The following FRZB variants were observed in gnomAD, a reference collection of about 807,000 sequenced individuals.
FRZB encodes the protein frizzled related protein.
In FRZB, 34 loss-of-function variants were observed where a neutral mutation model predicts 32.5. That is an observed-to-expected ratio of 1.05 (90% CI 0.80 to 1.39). The LOEUF (loss-of-function observed/expected upper bound fraction) is 1.39, where lower values mean the gene tolerates loss of function less well. FRZB is among the 40% of genes most tolerant of loss of function. FRZB has a pLI of 0.00. For missense variants in FRZB, 423 were observed against 424.8 expected, an observed-to-expected ratio of 1.00 and a Z score of 0.04; for synonymous variants, 170 against 159.2, an observed-to-expected ratio of 1.07 and a Z score of -0.51.
rs1695508031 is a variant in FRZB, at chr2:182,834,970, G to A, written c.862-5C>T. Reference sequence around the variant, plus strand: ...ACGAAGCTTCATATCCCAGCGCTGTGAAATTTAAAATAGAAAATAGTCACA... The same window carrying A: ...ACGAAGCTTCATATCCCAGCGCTGTAAAATTTAAAATAGAAAATAGTCACA... On this transcript the variant is annotated splice_polypyrimidine_tract_variant and splice_region_variant and intron_variant, in intron 5 of 5. Coordinates refer to ENST00000295113, the MANE Select transcript of FRZB (RefSeq NM_001463.4). 1.3e-6 allele frequency: 2 copies of A among 1,593,452 alleles called. No individual in the cohort carries two copies. The highest frequency in any genetic ancestry group is 1.1e-5 in the South Asian group (1 of 90,578).
chr2:182,850,906 A>G (rs535217987), intron 2 of FRZB, among the ~76,000 whole-genome samples: 1 of 152,202 alleles, frequency 6.6e-6, no homozygotes, highest in Non-Finnish European at 1.5e-5. Flanking sequence ...TCTTTTTGAT[A>G]AAAGCCATTC....
chr2:182,852,745 A>G (rs186166459), intron 2 of FRZB, among the ~76,000 whole-genome samples: 29 of 152,336 alleles, frequency 1.9e-4, no homozygotes, highest in Non-Finnish European at 3.4e-4. Flanking sequence ...TAGAACAAAA[A>G]TTGTTTTCCT....
chr2:182,841,646 T>G (rs1441341057), intron 3 of FRZB, among the ~76,000 whole-genome samples: 1 of 152,190 alleles, frequency 6.6e-6, no homozygotes, highest in Non-Finnish European at 1.5e-5. Context: ...GGGAAAGCTC[T>G]GTTAATTGCC....
intron 1 of FRZB, among the ~76,000 whole-genome samples, chr2:182,859,117 A>T (rs1364682144): frequency 6.6e-6 from 1 of 152,104 alleles, no homozygotes; most frequent in Non-Finnish European, 1.5e-5. Flanking sequence ...AAATTTGTAA[A>T]TGATAAGCAT....
chr2:182,866,144 C>G lies in FRZB; in HGVS notation c.409G>C (p.Glu137Gln). 1 of 1,614,110 alleles carries G rather than the reference C, an allele frequency of 6.2e-7. No homozygotes were observed. Among genetic ancestry groups the G allele is most frequent in the South Asian group, 1.1e-5 (1 of 91,060 alleles). Reference protein sequence around the residue: ...RHSWPENLACEELPVYDRGVC... With the variant: ...RHSWPENLACQELPVYDRGVC... ...CCCCTGTCGTACACTGGCAGCTCCTCGCAGGCCAGGTTCTCCGGCCACGAG... is the reference window on the plus strand; with the variant it reads ...CCCCTGTCGTACACTGGCAGCTCCTGGCAGGCCAGGTTCTCCGGCCACGAG... The change falls in exon 1 of 6, where the codon GAG becomes CAG. Residue 137 changes from glutamate to glutamine, a missense_variant. Glu to Gln is a conservative substitution (Grantham distance 29). Coordinates refer to ENST00000295113, the MANE Select transcript of FRZB (RefSeq NM_001463.4). The surrounding 1 kb of genome is among the most constrained non-coding windows in gnomAD (Gnocchi z 4.5).
chr2:182,838,736 C>A, intron 3 of FRZB, 123 bp from the exon 4 acceptor site: 1 of 752,076 alleles, frequency 1.3e-6, no homozygotes, highest in Non-Finnish European at 2.1e-6. Flanking sequence ...ACGAATGGAA[C>A]AGAAAAGTCA....
rs1424989511 is a variant in FRZB, at chr2:182,833,382, A to G, written c.*1467T>C. 1 of 152,186 alleles carries G rather than the reference A, an allele frequency of 6.6e-6. No homozygotes were observed. The highest frequency in any genetic ancestry group is 1.5e-5 in the Non-Finnish European group (1 of 68,038). The allele number at this position is 152,186 out of a possible 1,614,324, so 9.4% of individuals were successfully genotyped here. A position where few individuals can be genotyped will look rare whatever the true frequency, so the allele number is the denominator to read the frequency against. Reference sequence around the variant, plus strand: ...AGAATGAAACTTTCAAGTAATTGGCACAGGCTCTAAGGAACTCTGCCAGAG... The same window carrying G: ...AGAATGAAACTTTCAAGTAATTGGCGCAGGCTCTAAGGAACTCTGCCAGAG... On this transcript the variant is annotated 3_prime_UTR_variant, in exon 6 of 6. Transcript: ENST00000295113.
At chr2:182,847,465 A>G (rs1053405352) in intron 2 of FRZB, among the ~76,000 whole-genome samples, 7 of 152,228 alleles carry the variant, frequency 4.6e-5, no homozygotes, top group African/African-American at 1.7e-4. Context: ...CCTCAGAGCT[A>G]AAATGAGTTC....
chr2:182,864,075 C>G (rs907950810), intron 1 of FRZB, among the ~76,000 whole-genome samples: 1 of 152,216 alleles, frequency 6.6e-6, no homozygotes, highest in East Asian at 1.9e-4. Context: ...GCTTAGAAAT[C>G]AGGTCCCATG....
At chr2:182,850,592 G>A (rs1695699345) in intron 2 of FRZB, among the ~76,000 whole-genome samples, 1 of 152,088 alleles carries the variant, frequency 6.6e-6, no homozygotes, top group Non-Finnish European at 1.5e-5. Flanking sequence ...ATGTCATTGT[G>A]CATATATACT....
intron 2 of FRZB, among the ~76,000 whole-genome samples, chr2:182,852,014 A>G (rs1443678354): frequency 6.6e-6 from 1 of 152,062 alleles, no homozygotes; most frequent in South Asian, 2.1e-4. Flanking sequence ...AGTAATGGGG[A>G]AAAAAAATCC....
At chr2:182,837,365 C>T (rs182020084) in intron 5 of FRZB, among the ~76,000 whole-genome samples, 37 of 152,106 alleles carry the variant, frequency 2.4e-4, no homozygotes, top group South Asian at 1.5e-3. Flanking sequence ...GTTTATTCAT[C>T]GGACATCATT....
intron 3 of FRZB, among the ~76,000 whole-genome samples, chr2:182,839,997 A>G (rs1310026031): frequency 1.3e-5 from 2 of 152,098 alleles, no homozygotes; most frequent in African/African-American, 4.8e-5. Flanking sequence ...ATTTCGTCAC[A>G]AAAACTTATT....
intron 2 of FRZB, among the ~76,000 whole-genome samples, chr2:182,855,572 C>T (rs571301405): frequency 4.4e-4 from 67 of 152,096 alleles, no homozygotes; most frequent in Admixed American, 2.0e-3. Context: ...ATGAACTTGT[C>T]GCTAGGCCAA....
intron 1 of FRZB, among the ~76,000 whole-genome samples, chr2:182,859,490 C>G (rs556888321): frequency 6.6e-6 from 1 of 152,236 alleles, no homozygotes; most frequent in Admixed American, 6.5e-5. Context: ...TAATGAATAA[C>G]AGTGCACCAG....
At chr2:182,846,821 C>A (rs748359362) in intron 2 of FRZB, among the ~76,000 whole-genome samples, 1 of 152,148 alleles carries the variant, frequency 6.6e-6, no homozygotes, top group Non-Finnish European at 1.5e-5. Flanking sequence ...TGAGCAGTTC[C>A]AAAATTTTTA....
chr2:182,858,674 T>G, intron 2 of FRZB, 112 bp downstream of exon 2: 1 of 698,514 alleles, frequency 1.4e-6, no homozygotes, highest in Non-Finnish European at 2.4e-6. Flanking sequence ...TTTAAAAAGT[T>G]TACTTGTAAA....
rs750552766 is a variant in FRZB, at chr2:182,834,111, T to C, written c.*738A>G. The C allele has an allele frequency of 6.6e-6, 1 of 152,230 alleles. No homozygotes were observed. Among genetic ancestry groups the C allele is most frequent in the Non-Finnish European group, 1.5e-5 (1 of 68,040 alleles). The allele number at this position is 152,230 out of a possible 1,614,324, so 9.4% of individuals were successfully genotyped here. A position where few individuals can be genotyped will look rare whatever the true frequency, so the allele number is the denominator to read the frequency against. ...AATTCATTTCTCTAATGCTGATTAATATATTCATGAACAAATCAAATGTAT... is the reference window on the plus strand; with the variant it reads ...AATTCATTTCTCTAATGCTGATTAACATATTCATGAACAAATCAAATGTAT... On this transcript the variant is annotated 3_prime_UTR_variant, in exon 6 of 6. Transcript: ENST00000295113.
chr2:182,841,635 C>A (rs577160346), intron 3 of FRZB, among the ~76,000 whole-genome samples: 2 of 151,994 alleles, frequency 1.3e-5, no homozygotes, highest in African/African-American at 2.4e-5. Context: ...TATGTGTCAA[C>A]GGGAAAGCTC....
Sources: gnomAD v4.1 joint callset for allele counts (sites outside exome capture counted in the v4.1 genomes callset) on GRCh38, gnomAD v4.1.1 for gene constraint, Gnocchi (gnomAD v3.1) non-coding constraint, MANE v1.5 for transcripts, NCBI Gene and HGNC (gene_info 2026-07-23, HGNC 2026-07-21) for gene names.